ENTREP2: variants seen among roughly 807,000 people sequenced by gnomAD.
ENTREP2 encodes endosomal transmembrane epsin interactor 2, also known as protein ENTREP2.
the ENTREP2 span, among the ~76,000 whole-genome samples, chr15:29,401,531 G>T: frequency 1.3e-5 from 2 of 152,196 alleles, no homozygotes; most frequent in African/African-American, 4.8e-5. Flanking sequence ...AGAGGGGAAA[G>T]AAAGTTCCTC....
chr15:29,118,977 T>C, the ENTREP2 span, among the ~76,000 whole-genome samples: 3 of 152,182 alleles, frequency 2.0e-5, no homozygotes, highest in African/African-American at 7.2e-5. Context: ...AGCTCCTTGC[T>C]GTGGGCACTG....
chr15:29,287,059 T>G, the ENTREP2 span, among the ~76,000 whole-genome samples: 1 of 152,178 alleles, frequency 6.6e-6, no homozygotes, highest in East Asian at 1.9e-4. Context: ...ATTCACCAGA[T>G]GGGGCAATAA....
chr15:29,217,885 G>A, the ENTREP2 span, among the ~76,000 whole-genome samples: 1 of 152,182 alleles, frequency 6.6e-6, no homozygotes, highest in Non-Finnish European at 1.5e-5. Flanking sequence ...CTCTGTCAGA[G>A]GGAAGGTCTA....
At chr15:29,224,646 G>A in the ENTREP2 span, among the ~76,000 whole-genome samples, 1 of 152,114 alleles carries the variant, frequency 6.6e-6, no homozygotes, top group Non-Finnish European at 1.5e-5. Context: ...CTAGACACAG[G>A]GTGTTGATTG....
At chr15:29,151,794 C>T in the ENTREP2 span, 3 of 1,551,514 alleles carry the variant, frequency 1.9e-6, no homozygotes, top group Non-Finnish European at 2.6e-6. Flanking sequence ...CCAGCGCACA[C>T]ACGATAGTGG....
At chr15:29,439,782 G>A in the ENTREP2 span, among the ~76,000 whole-genome samples, 1 of 152,210 alleles carries the variant, frequency 6.6e-6, no homozygotes, top group Non-Finnish European at 1.5e-5. Context: ...CTCCTCTTGA[G>A]TGTGGGCTGA....
chr15:29,652,811 C>T, the ENTREP2 span, among the ~76,000 whole-genome samples: 1 of 152,342 alleles, frequency 6.6e-6, no homozygotes, highest in East Asian at 1.9e-4. Flanking sequence ...ATGCACCTTG[C>T]CACTCCACGC....
chr15:29,663,972 G>A, the ENTREP2 span, among the ~76,000 whole-genome samples: 5 of 151,020 alleles, frequency 3.3e-5, no homozygotes, highest in African/African-American at 1.2e-4. Context: ...AGGTTGCAGT[G>A]AGCCGAGATC....
At chr15:29,501,766 T>C in the ENTREP2 span, among the ~76,000 whole-genome samples, 1 of 151,996 alleles carries the variant, frequency 6.6e-6, no homozygotes, top group African/African-American at 2.4e-5. Context: ...CCTAATTTTA[T>C]ATAGAGAAAA....
chr15:29,135,419 G>C, the ENTREP2 span, among the ~76,000 whole-genome samples: 26 of 152,190 alleles, frequency 1.7e-4, no homozygotes, highest in East Asian at 4.8e-3. The surrounding 1 kb of genome is among the most constrained non-coding windows in gnomAD (Gnocchi z 7.4). Flanking sequence ...TTCCTTGGAG[G>C]GTGGGTCCTT....
chr15:29,654,026 A>G, the ENTREP2 span, among the ~76,000 whole-genome samples: 1 of 152,220 alleles, frequency 6.6e-6, no homozygotes. Context: ...TGGATTGAAC[A>G]TATTTCATTT....
the ENTREP2 span, among the ~76,000 whole-genome samples, chr15:29,423,375 C>T: frequency 6.6e-6 from 1 of 152,066 alleles, no homozygotes; most frequent in Non-Finnish European, 1.5e-5. Flanking sequence ...CCTAATGCTG[C>T]TAAATTTAGT....
the ENTREP2 span, among the ~76,000 whole-genome samples, chr15:29,125,203 A>G: frequency 6.6e-6 from 1 of 152,230 alleles, no homozygotes; most frequent in Admixed American, 6.5e-5. Flanking sequence ...GAGTGGACCC[A>G]TGAGCCCCTC....
the ENTREP2 span, among the ~76,000 whole-genome samples, chr15:29,531,191 G>A: frequency 1.3e-5 from 2 of 152,146 alleles, no homozygotes; most frequent in South Asian, 2.1e-4. Flanking sequence ...TCCTTTATGC[G>A]TGACAGTCTC....
the ENTREP2 span, among the ~76,000 whole-genome samples, chr15:29,182,290 A>G: frequency 1.3e-4 from 19 of 151,798 alleles, no homozygotes; most frequent in African/African-American, 3.9e-4. Context: ...GCACCCGGCT[A>G]ATTTTTTGTA....
At chr15:29,272,183 A>G in the ENTREP2 span, among the ~76,000 whole-genome samples, 7 of 152,226 alleles carry the variant, frequency 4.6e-5, no homozygotes, top group Non-Finnish European at 7.3e-5. Context: ...ACATAAAATA[A>G]GAGTATTAGA....
the ENTREP2 span, among the ~76,000 whole-genome samples, chr15:29,645,592 C>G: frequency 1.3e-5 from 2 of 152,028 alleles, no homozygotes; most frequent in East Asian, 3.9e-4. Context: ...GAGTCTCGCT[C>G]TGTCACCCAG....
the ENTREP2 span, among the ~76,000 whole-genome samples, chr15:29,342,349 G>A: frequency 2.0e-5 from 3 of 152,166 alleles, no homozygotes; most frequent in Non-Finnish European, 2.9e-5. Context: ...ATAGGAATGC[G>A]AAACAACTGC....
chr15:29,124,935 G>C, the ENTREP2 span, among the ~76,000 whole-genome samples: 1 of 152,250 alleles, frequency 6.6e-6, no homozygotes, highest in Non-Finnish European at 1.5e-5. Context: ...CAGCTGGCCA[G>C]GCCTGCCGTG....
Sources: gnomAD v4.1 joint callset for allele counts (sites outside exome capture counted in the v4.1 genomes callset) on GRCh38, gnomAD v4.1.1 for gene constraint, Gnocchi (gnomAD v3.1) non-coding constraint, MANE v1.5 for transcripts, NCBI Gene and HGNC (gene_info 2026-07-23, HGNC 2026-07-21) for gene names.